The following NDST4 variants were observed in gnomAD, a reference collection of about 807,000 sequenced individuals.
The protein encoded by NDST4 is N-heparan sulfate sulfotransferase 4.
NDST4 carries 63 observed loss-of-function variants against 100.8 expected under a neutral mutation model. The ratio of observed to expected loss-of-function variants is 0.62; its 90% CI spans 0.51 to 0.77. The LOEUF is 0.77. NDST4 is among the 30% of genes least tolerant of loss of function. The pLI is 0.00. For synonymous variants in NDST4, 377 were observed against 361.8 expected, an observed-to-expected ratio of 1.04 and a Z score of -0.48; for missense variants, 943 against 1,018.4, an observed-to-expected ratio of 0.93 and a Z score of 1.01.
At chr4:115,075,152 A>T (rs1729152762) in intron 2 of NDST4, among the ~76,000 whole-genome samples, 1 of 152,212 alleles carries the variant, frequency 6.6e-6, no homozygotes, top group African/African-American at 2.4e-5. Flanking sequence ...TAATGCAATG[A>T]ATAAATAATA....
At chr4:115,091,928 G>C (rs1031569820) in intron 1 of NDST4, among the ~76,000 whole-genome samples, 1 of 152,090 alleles carries the variant, frequency 6.6e-6, no homozygotes, top group Non-Finnish European at 1.5e-5. Context: ...TGTCATAAAT[G>C]AGTACTAAAT....
At chr4:114,881,581 A>G (rs1202256571) in intron 6 of NDST4, among the ~76,000 whole-genome samples, 1 of 152,082 alleles carries the variant, frequency 6.6e-6, no homozygotes, top group Admixed American at 6.6e-5. Flanking sequence ...GTGAGCCCAT[A>G]TAAATTTATA....
At chr4:114,918,529 A>G (rs1337085953) in intron 6 of NDST4, among the ~76,000 whole-genome samples, 2 of 150,280 alleles carry the variant, frequency 1.3e-5, no homozygotes, top group East Asian at 2.0e-4. Context: ...GTACCCTAAA[A>G]CTTAAACTAT....
At chr4:114,833,938 C>A (rs188512690) in intron 11 of NDST4, among the ~76,000 whole-genome samples, 6 of 152,248 alleles carry the variant, frequency 3.9e-5, no homozygotes, top group East Asian at 1.9e-4. Context: ...CAAGTTATAG[C>A]CCTTAACTTG....
Position 114,892,911 on chromosome 4 carries a change from C to T in NDST4, c.1537-21961G>A, listed in dbSNP as rs1291880379. On this transcript the variant is annotated intron_variant, in intron 6 of 13. Transcript: ENST00000264363. ...TAAGTTCCTTCCCTTCACCCCTCAACAGTCCCTGGTGTGTATTGTTCCCCT... is the reference window on the plus strand; with the variant it reads ...TAAGTTCCTTCCCTTCACCCCTCAATAGTCCCTGGTGTGTATTGTTCCCCT... Among the ~76,000 whole-genome samples, 4 of 152,040 alleles carry T rather than the reference C, an allele frequency of 2.6e-5. No individual in the cohort carries two copies. The South Asian group carries it at 6.2e-4, about 24-fold the overall frequency.
intron 2 of NDST4, among the ~76,000 whole-genome samples, chr4:115,014,553 G>A (rs990167021): frequency 1.4e-4 from 21 of 152,136 alleles, no homozygotes; most frequent in African/African-American, 5.1e-4. Flanking sequence ...AAAATCTACT[G>A]GTTTTGAGAT....
chr4:114,913,970 C>A (rs67191287), intron 6 of NDST4, among the ~76,000 whole-genome samples: 43,467 of 151,776 alleles, frequency 0.29, 8,072 homozygotes, highest in African/African-American at 0.53. Context: ...CAGAAAATCT[C>A]CTTTCAAACA....
intron 6 of NDST4, among the ~76,000 whole-genome samples, chr4:114,892,522 T>C (rs1488593422): frequency 6.6e-6 from 1 of 152,128 alleles, no homozygotes; most frequent in Non-Finnish European, 1.5e-5. Context: ...ATCAAAGATG[T>C]CTTATTTCAC....
In NDST4 at chr4:114,916,096, T is replaced by C. The variant is rs78400263; in HGVS notation, c.1536+19110A>G. Among the ~76,000 whole-genome samples the C allele has an allele frequency of 0.014, 2,075 of 152,218 alleles. 91 individuals carry two copies. In the South Asian group the frequency reaches 0.16, roughly 11 times the overall value. ...GTGAGTAATGGACTATCGATATTTA[T>C]CCTTATGTTCTTTAAGATGACAGTT... On this transcript the variant is annotated intron_variant, in intron 6 of 13. Transcript: ENST00000264363.
chr4:115,004,079 A>G (rs756615465), intron 2 of NDST4, among the ~76,000 whole-genome samples: 1 of 152,102 alleles, frequency 6.6e-6, no homozygotes, highest in Non-Finnish European at 1.5e-5. Flanking sequence ...TCCTTTACTT[A>G]TAGAAATAAG....
intron 1 of NDST4, among the ~76,000 whole-genome samples, chr4:115,093,526 G>A: frequency 6.6e-6 from 1 of 151,882 alleles, no homozygotes; most frequent in East Asian, 1.9e-4. Context: ...TAACAAATTT[G>A]GTCTAAAAGA....
intron 6 of NDST4, among the ~76,000 whole-genome samples, chr4:114,894,255 G>GT (rs1289177195): frequency 1.3e-5 from 2 of 151,996 alleles, no homozygotes; most frequent in African/African-American, 4.8e-5. Context: ...ATTTAAAATA[G>GT]TTTTTTTCTA....
intron 11 of NDST4, among the ~76,000 whole-genome samples, chr4:114,835,940 AT>A (rs200954510): frequency 8.0e-5 from 12 of 150,048 alleles, no homozygotes; most frequent in Admixed American, 5.3e-4. Context: ...CAACCTCTGC[AT>A]TTTTTTTTCT....
Position 115,005,512 on chromosome 4 carries a change from C to T in NDST4, c.979-28238G>A, listed in dbSNP as rs2583522. Among the ~76,000 whole-genome samples, 684 of 152,098 alleles carry T rather than the reference C, an allele frequency of 4.5e-3. 5 individuals carry two copies. Among genetic ancestry groups the T allele is most frequent in the Non-Finnish European group, 7.2e-3 (489 of 67,994 alleles). Reference sequence around the variant, plus strand: ...GGTAGTAGAGGAAGAACTAGGAGGCCCACATGGTTGGGGAGAAGAGAGTGG... The same window carrying T: ...GGTAGTAGAGGAAGAACTAGGAGGCTCACATGGTTGGGGAGAAGAGAGTGG... On this transcript the variant is annotated intron_variant, in intron 2 of 13. Transcript: ENST00000264363.
chr4:114,891,684 A>G (rs1246945552), intron 6 of NDST4, among the ~76,000 whole-genome samples: 1 of 152,078 alleles, frequency 6.6e-6, no homozygotes, highest in Non-Finnish European at 1.5e-5. Flanking sequence ...AACTTCATTC[A>G]GCACCAAACA....
chr4:114,845,677 T>G, intron 10 of NDST4, 146 bp downstream of exon 10: 1 of 622,846 alleles, frequency 1.6e-6, no homozygotes, highest in Non-Finnish European at 2.6e-6. Context: ...ACAGCTCATA[T>G]TTCTCATATT....
At chr4:114,836,050 C>G (rs193268605) in intron 11 of NDST4, among the ~76,000 whole-genome samples, 6 of 152,254 alleles carry the variant, frequency 3.9e-5, no homozygotes, top group Admixed American at 3.9e-4. Flanking sequence ...ACCAGTGGGC[C>G]TTGAATATGT....
intron 2 of NDST4, among the ~76,000 whole-genome samples, chr4:115,052,317 T>C (rs1272219157): frequency 6.6e-6 from 1 of 152,180 alleles, no homozygotes; most frequent in Non-Finnish European, 1.5e-5. Context: ...CCTAAAACTT[T>C]TTTACTTTCA....
At chr4:114,867,665 C>CAAAAAAAAAAAAAAAAAG (rs1724061751) in intron 7 of NDST4, among the ~76,000 whole-genome samples, 1 of 79,894 alleles carries the variant, frequency 1.3e-5, no homozygotes, top group Non-Finnish European at 2.3e-5. Flanking sequence ...AAAAAAAAAG[C>CAAAAAAAAAAAAAAAAAG]AAAAAAAAAA....
Sources: allele counts gnomAD v4.1 joint callset (sites outside exome capture counted in the v4.1 genomes callset), GRCh38; gene constraint gnomAD v4.1.1; transcripts MANE v1.5; gene names NCBI Gene and HGNC (gene_info 2026-07-23, HGNC 2026-07-21).